The following CABP1 variants were observed in gnomAD, a reference collection of about 807,000 sequenced individuals.
The protein encoded by CABP1 is calcium-binding protein 1.
In CABP1, 17 loss-of-function variants were observed where a neutral mutation model predicts 34.3. That is an observed-to-expected ratio of 0.50 (90% CI 0.34 to 0.74). The LOEUF is 0.74. CABP1 is among the 30% of genes least tolerant of loss of function. The pLI is 0.01. For synonymous variants in CABP1, 198 were observed against 229.2 expected (o/e 0.86, Z 1.23); for missense variants, 373 against 511.1 (o/e 0.73, Z 2.61).
At position 120,661,030 on chromosome 12, in the gene CABP1, C is replaced by A. The variant is rs1239949776; in HGVS notation, c.940-41C>A. The stretch of plus-strand genomic sequence containing the variant: ...CTTTGGGATCTGCTGCTGCCAATCG[C>A]CATGCTGGGGCGACCTCTCCTTCCT... On this transcript the variant is annotated intron_variant, in intron 4 of 5. Coordinates refer to ENST00000316803, the MANE Select transcript of CABP1 (RefSeq NM_001033677.2). This position sits in a 1 kb window ranked among gnomAD's most constrained non-coding sequence, Gnocchi z 5.1. 29 of 1,597,550 alleles carry A rather than the reference C, an allele frequency of 1.8e-5. No homozygotes were observed. The Admixed American group carries it at 5.0e-4, about 28-fold the overall frequency.
Position 120,659,370 on chromosome 12 carries a change from C to T in CABP1, c.655-508C>T, listed in dbSNP as rs186713879. ...TCTTCTGTTGTCTTGCAGCCTCTGT[C>T]GCCCTGCTCTTCCTGTTTCATTGGG... On this transcript the variant is annotated intron_variant, in intron 1 of 5. Coordinates refer to ENST00000316803, the MANE Select transcript of CABP1 (RefSeq NM_001033677.2). The T allele has an allele frequency of 5.8e-3, 889 of 153,772 alleles. 22 individuals are homozygous for T. The highest frequency in any genetic ancestry group is 0.052 in the Admixed American group (805 of 15,370). 9.5% of individuals were successfully genotyped at this position (153,772 alleles called of 1,614,324 possible).
chr12:120,678,541 G>C, the CABP1 span, among the ~76,000 whole-genome samples: 1 of 152,090 alleles, frequency 6.6e-6, no homozygotes, highest in African/African-American at 2.4e-5. Context: ...GGACTTCTAT[G>C]GGCCAGGCAC....
At chr12:120,668,401 AG>A (rs1053304085), downstream of CABP1, among the ~76,000 whole-genome samples, 1 of 152,160 alleles carries the variant, frequency 6.6e-6, no homozygotes, top group Non-Finnish European at 1.5e-5. Flanking sequence ...GCTTGAACCC[AG>A]GAGGTGGAGG....
In CABP1 at chr12:120,660,132, C is replaced by T; in HGVS notation, c.686-64C>T. The T allele has an allele frequency of 6.3e-7, 1 of 1,596,816 alleles. No homozygotes were observed. Among genetic ancestry groups the T allele is most frequent in the Non-Finnish European group, 8.5e-7 (1 of 1,169,674 alleles). On this transcript the variant is annotated intron_variant, in intron 2 of 5. Coordinates refer to ENST00000316803, the MANE Select transcript of CABP1 (RefSeq NM_001033677.2). The surrounding 1 kb of genome is among the most constrained non-coding windows in gnomAD (Gnocchi z 5.0). Reference sequence around the variant, plus strand: ...CCATGCCGGTGGGCCTTTGGGCTGCCTTTGCCCACAGAGGCTCTGCGGGTC... The same window carrying T: ...CCATGCCGGTGGGCCTTTGGGCTGCTTTTGCCCACAGAGGCTCTGCGGGTC...
downstream of CABP1, among the ~76,000 whole-genome samples, chr12:120,668,920 C>G (rs1881148411): frequency 6.6e-6 from 1 of 152,170 alleles, no homozygotes; most frequent in African/African-American, 2.4e-5. Flanking sequence ...ATCTGGGCCA[C>G]CCCCGCAGTG....
At chr12:120,665,677 C>A (rs1003556903) in intron 5 of CABP1, among the ~76,000 whole-genome samples, 1 of 151,692 alleles carries the variant, frequency 6.6e-6, no homozygotes, top group Non-Finnish European at 1.5e-5. Context: ...AGAAAAAAAT[C>A]TCCGTACTTT....
chr12:120,659,653 C>G (rs1418873025), intron 1 of CABP1: 1 of 502,434 alleles, frequency 2.0e-6, no homozygotes, highest in African/African-American at 2.0e-5. Flanking sequence ...GCTGGTGGGG[C>G]TGGTGGCTTC....
rs906399799 is a variant in CABP1, at chr12:120,660,019, G to T, written c.685+111G>T. ...GAAATGGGGCCTGGTGCAACGCGGG[G>T]TATCTTCTGTGAAACCAGCTGCTGA... is the stretch of plus-strand genomic sequence containing the variant. On this transcript the variant is annotated intron_variant, in intron 2 of 5. Transcript: ENST00000316803. The surrounding 1 kb of genome is among the most constrained non-coding windows in gnomAD (Gnocchi z 5.0). 7 of 1,294,372 alleles carry T rather than the reference G, an allele frequency of 5.4e-6. No individual in the cohort carries two copies. The South Asian group carries it at 9.2e-5, about 17-fold the overall frequency. 80.2% of individuals were successfully genotyped at this position (1,294,372 alleles called of 1,614,324 possible).
chr12:120,664,529 A>C (rs955374418), intron 5 of CABP1, among the ~76,000 whole-genome samples: 19 of 152,214 alleles, frequency 1.2e-4, no homozygotes, highest in African/African-American at 4.6e-4. Flanking sequence ...TAAGTGATGG[A>C]TAAATAAACG....
In CABP1 at chr12:120,646,628, C is replaced by A. The variant is rs115789113; in HGVS notation, c.654+5289C>A. Among the ~76,000 whole-genome samples the A allele has an allele frequency of 5.8e-3, 878 of 152,266 alleles. 13 individuals are homozygous for A. The highest frequency in any genetic ancestry group is 0.02 in the African/African-American group (850 of 41,534). ...TCCTGGGCTCAAGTGATCCTCCTGCCCTAGCCTCCTGAGTATCTATGACCA... is the reference window on the plus strand; with the variant it reads ...TCCTGGGCTCAAGTGATCCTCCTGCACTAGCCTCCTGAGTATCTATGACCA... On this transcript the variant is annotated intron_variant, in intron 1 of 5. Transcript: ENST00000316803.
At chr12:120,653,186 C>G (rs981307448) in intron 1 of CABP1, among the ~76,000 whole-genome samples, 1 of 152,184 alleles carries the variant, frequency 6.6e-6, no homozygotes, top group East Asian at 1.9e-4. Context: ...AAGTAAATGC[C>G]TTCTGGCACC....
chr12:120,656,268 AGCCTGTACGTAAGTTGGCC>A, intron 1 of CABP1: 1 of 1,551,304 alleles, frequency 6.4e-7, no homozygotes, highest in African/African-American at 1.4e-5. Flanking sequence ...GAGAACAGGC[AGCCTGTACGTAAGTTGGCC>A]CAGTGGAGCC....
chr12:120,662,745 C>T (rs1426119132), intron 5 of CABP1, among the ~76,000 whole-genome samples: 1 of 148,506 alleles, frequency 6.7e-6, no homozygotes, highest in East Asian at 2.0e-4. Context: ...AGTGCAATGG[C>T]ACGATCTCAG....
chr12:120,666,806 T>G, intron 5 of CABP1, 69 bp from the exon 6 acceptor site: 1 of 1,534,886 alleles, frequency 6.5e-7, no homozygotes, highest in South Asian at 1.2e-5. Flanking sequence ...CAGGGTGGGG[T>G]CTGAAGGCAG....
chr12:120,667,548 G>A (rs910603086), downstream of CABP1, among the ~76,000 whole-genome samples: 3 of 152,182 alleles, frequency 2.0e-5, no homozygotes, highest in African/African-American at 7.2e-5. Context: ...GAGTGCAGTG[G>A]CGTGATCTCA....
At chr12:120,643,392 T>C (rs1471061464) in intron 1 of CABP1, among the ~76,000 whole-genome samples, 1 of 152,188 alleles carries the variant, frequency 6.6e-6, no homozygotes, top group African/African-American at 2.4e-5. Flanking sequence ...TTTCTTCCCT[T>C]TTCTCCGTAT....
At chr12:120,658,446 G>A (rs920512081) in intron 1 of CABP1, among the ~76,000 whole-genome samples, 1 of 152,052 alleles carries the variant, frequency 6.6e-6, no homozygotes, top group African/African-American at 2.4e-5. Context: ...TCAGAGACAC[G>A]CCTCCCTATG....
intron 1 of CABP1, chr12:120,655,546 C>T (rs1880123520): frequency 8.3e-7 from 1 of 1,203,020 alleles, no homozygotes; most frequent in Middle Eastern, 3.3e-4. Context: ...GTCTGGCAGA[C>T]CAGCCAAGCC....
chr12:120,656,182 G>C (rs1880195184), intron 1 of CABP1: 1 of 1,613,682 alleles, frequency 6.2e-7, no homozygotes, highest in Non-Finnish European at 8.5e-7. Context: ...GACCGCTCCT[G>C]ATGCTGGCCC....
Sources: gnomAD v4.1 joint callset for allele counts (sites outside exome capture counted in the v4.1 genomes callset) on GRCh38, gnomAD v4.1.1 for gene constraint, Gnocchi (gnomAD v3.1) non-coding constraint, MANE v1.5 for transcripts, NCBI Gene and HGNC (gene_info 2026-07-23, HGNC 2026-07-21) for gene names.